The following CEP170B variants were observed in gnomAD, a reference collection of about 807,000 sequenced individuals.
CEP170B encodes the protein centrosomal protein of 170 kDa protein B.
A neutral mutation model predicts 120.6 loss-of-function variants in CEP170B; 55 were observed. That is an observed-to-expected ratio of 0.46 (90% CI 0.37 to 0.57). The LOEUF is 0.57. Among genes scored for constraint, CEP170B ranks in the 20% least tolerant of loss-of-function variants. CEP170B has a pLI of 0.00. For synonymous variants in CEP170B, 1,033 were observed against 954.5 expected, an observed-to-expected ratio of 1.08 and a Z score of -1.52; for missense variants, 2,212 against 2,253.3, an observed-to-expected ratio of 0.98 and a Z score of 0.37.
At chr14:104,885,038 C>T (rs558812688) in intron 9 of CEP170B, among the ~76,000 whole-genome samples, 242 of 92,928 alleles carry the variant, frequency 2.6e-3, no homozygotes, top group Non-Finnish European at 3.7e-3. Flanking sequence ...AGTGAGAGTA[C>T]TCGTGGGGAA....
chr14:104,879,514 C>A (rs368633689), intron 5 of CEP170B, among the ~76,000 whole-genome samples: 2 of 152,254 alleles, frequency 1.3e-5, no homozygotes, highest in African/African-American at 4.8e-5. Flanking sequence ...TTACGCTGCA[C>A]GACCAAGGCC....
chr14:104,889,385 G>A (rs975663066), intron 12 of CEP170B: 1 of 996,120 alleles, frequency 1.0e-6, no homozygotes, highest in Non-Finnish European at 1.4e-6. Context: ...CTACTGGGTG[G>A]GGGCACCAGC....
intron 6 of CEP170B, among the ~76,000 whole-genome samples, chr14:104,882,069 G>A (rs1595336302): frequency 1.3e-5 from 2 of 152,180 alleles, no homozygotes; most frequent in African/African-American, 4.8e-5. Flanking sequence ...CCAGCGCCCT[G>A]ACCTGAGGGC....
chr14:104,892,882 T>C, intron 13 of CEP170B, 94 bp from the exon 14 acceptor site: 1 of 1,390,670 alleles, frequency 7.2e-7, no homozygotes, highest in Non-Finnish European at 9.9e-7. Context: ...GGCCAGCAGC[T>C]GCCTGGGAGC....
chr14:104,886,131 G>T lies in CEP170B; in HGVS notation c.2035+1G>T. 1 of 1,535,310 alleles carries T rather than the reference G, an allele frequency of 6.5e-7. No homozygotes were observed. The highest frequency in any genetic ancestry group is 8.8e-7 in the Non-Finnish European group (1 of 1,141,908). The stretch of plus-strand genomic sequence containing the variant: ...AGCTACTCAGACCCGGGCCTCACAG[G>T]TAAGTGGCTCCAGTGCTGCGGGGGA... On this transcript the variant is annotated splice_donor_variant, in intron 11 of 18. Coordinates refer to ENST00000414716, the MANE Select transcript of CEP170B (RefSeq NM_001112726.3). LOFTEE classifies it high-confidence loss of function.
chr14:104,884,544 G>C lies in CEP170B; in HGVS notation c.1765G>C (p.Asp589His). The C allele has an allele frequency of 6.4e-7, 1 of 1,557,782 alleles. No homozygotes were observed. ...TEVEEARKMI[D>H]QVFGVLESPE... Reference sequence around the variant, plus strand: ...GGTGGAGGAGGCCCGGAAGATGATCGACCAGGTGCAGCCCAGCGGCGAGTG... The same window carrying C: ...GGTGGAGGAGGCCCGGAAGATGATCCACCAGGTGCAGCCCAGCGGCGAGTG... Residue 589 changes from aspartate (D) to histidine (H), a missense_variant, in exon 9 of 19, where the codon GAC becomes CAC. Asp to His is a moderately conservative substitution (Grantham distance 81). Transcript: ENST00000414716.
chr14:104,893,089 G>A lies in CEP170B; in HGVS notation c.3992G>A (p.Ser1331Asn), dbSNP rs948583463. Residue 1331 changes from serine to asparagine, a missense_variant, in exon 14 of 19, where the codon AGC becomes AAC. By Grantham distance (46) the Ser-to-Asn change is conservative. Transcript: ENST00000414716. Reference protein sequence around the residue: ...SSEPAHSASLSNMPSTPASTI... With the variant: ...SSEPAHSASLNNMPSTPASTI... ...GAGCCTGCCCACAGCGCCTCCCTCA[G>A]CAACATGCCCAGCACCCCCGCCTCG... 6.2e-7 allele frequency: 1 copy of A among 1,608,176 alleles called. No homozygotes were observed. The highest frequency in any genetic ancestry group is 8.5e-7 in the Non-Finnish European group (1 of 1,178,592).
chr14:104,880,431 C>T lies in CEP170B; in HGVS notation c.472+6C>T. On this transcript the variant is annotated splice_donor_region_variant and intron_variant, in intron 6 of 18. Transcript: ENST00000414716. ...GGACCGGAGACCAGGAACAGGTAGG[C>T]CCAGGCAGTGCGGATGGGGTGAGCA... 6.2e-7 allele frequency: 1 copy of T among 1,611,156 alleles called. No individual in the cohort carries two copies.
rs1313298820 is a variant in CEP170B at position 104,893,751 on chromosome 14, G to A, written c.4183-10G>A. 2 of 1,603,986 alleles carry A rather than the reference G, an allele frequency of 1.2e-6. No homozygotes were observed. The highest frequency in any genetic ancestry group is 2.2e-5 in the South Asian group (2 of 89,346). On this transcript the variant is annotated splice_polypyrimidine_tract_variant and intron_variant, in intron 15 of 18. Transcript: ENST00000414716. ...GAGGGCGGGGCCATGCTGAGGCCGG[G>A]CTCTTGCAGGTGATCTTCGATAACC...
At chr14:104,875,467 C>T (rs1895789097) in intron 2 of CEP170B, among the ~76,000 whole-genome samples, 1 of 152,092 alleles carries the variant, frequency 6.6e-6, no homozygotes, top group Non-Finnish European at 1.5e-5. Flanking sequence ...GATGGAGCCA[C>T]CACCCAGAGC....
chr14:104,881,052 G>T (rs1196393868), intron 6 of CEP170B, among the ~76,000 whole-genome samples: 1 of 152,178 alleles, frequency 6.6e-6, no homozygotes, highest in Non-Finnish European at 1.5e-5. Flanking sequence ...GTGATGGGGG[G>T]GTGAGGCTAT....
In CEP170B at chr14:104,877,924, G is replaced by T; in HGVS notation, c.235G>T (p.Val79Phe). 1.3e-6 allele frequency: 2 copies of T among 1,569,164 alleles called. No individual in the cohort carries two copies. ...NDMRIPDQKY[V>F]TLKLNDVIRF... The stretch of plus-strand genomic sequence containing the variant: ...CATGCGCATCCCGGACCAGAAGTAC[G>T]TCACGCTGAAGCTCAACGATGTCAT... The change falls in exon 4 of 19, where the codon GTC (valine) becomes TTC (phenylalanine). Residue 79 changes from valine to phenylalanine, a missense_variant. Val to Phe is a conservative substitution (Grantham distance 50). Transcript: ENST00000414716.
chr14:104,896,444 G>A lies in CEP170B; in HGVS notation c.*1486G>A, dbSNP rs1474989250. On this transcript the variant is annotated 3_prime_UTR_variant, in exon 19 of 19. Transcript: ENST00000414716. ...CTGCTGCCCACCCCTGCATGCCCCA[G>A]TTGCCCACCCCGCCTGCCCCTGGAC... is the stretch of plus-strand genomic sequence containing the variant. The A allele has an allele frequency of 1.0e-5, 4 of 393,694 alleles. No homozygotes were observed. Among genetic ancestry groups the A allele is most frequent in the African/African-American group, 4.2e-5 (2 of 47,622 alleles). The allele number at this position is 393,694 out of a possible 1,614,324, so 24.4% of individuals were successfully genotyped here.
rs77372704 is a variant in CEP170B, at chr14:104,885,783, C to T, written c.1944+241C>T. 3.6e-3 allele frequency among the ~76,000 whole-genome samples: 550 copies of T among 152,342 alleles called. 2 individuals are homozygous for T. The highest frequency in any genetic ancestry group is 6.8e-3 in the Non-Finnish European group (464 of 68,026). Reference sequence around the variant, plus strand: ...AGGTCAGGACAGGGCCACGGCTGCTCTGCCAACCTGGAACTGAGTTCTGTG... The same window carrying T: ...AGGTCAGGACAGGGCCACGGCTGCTTTGCCAACCTGGAACTGAGTTCTGTG... On this transcript the variant is annotated intron_variant, in intron 10 of 18. Transcript: ENST00000414716.
chr14:104,886,642 C>T lies in CEP170B; in HGVS notation c.2403C>T (p.Asp801=), dbSNP rs1424055608. The change falls in exon 12 of 19, where the codon GAC becomes GAT. Residue 801 remains aspartate (D), a synonymous_variant. Coordinates refer to ENST00000414716, the MANE Select transcript of CEP170B (RefSeq NM_001112726.3). The part of the protein sequence containing the change: ...EPTPASFFIG[D]QNGDAVLSRK... ...CTCCCGCCTCTTTCTTCATTGGGGA[C>T]CAGAATGGGGACGCTGTGTTATCTA... is the stretch of plus-strand genomic sequence containing the variant. 1 of 1,525,754 alleles carries T rather than the reference C, an allele frequency of 6.6e-7. No individual in the cohort carries two copies. Among genetic ancestry groups the T allele is most frequent in the African/African-American group, 1.4e-5 (1 of 72,092 alleles). The allele number at this position is 1,525,754 out of a possible 1,614,324, so 94.5% of individuals were successfully genotyped here. A position where few individuals can be genotyped will look rare whatever the true frequency, so the allele number is the denominator to read the frequency against.
chr14:104,871,504 C>G (rs1436703689), intron 2 of CEP170B, among the ~76,000 whole-genome samples: 3 of 152,088 alleles, frequency 2.0e-5, no homozygotes, highest in Admixed American at 1.3e-4. Flanking sequence ...ACCTCCACAC[C>G]CTGTCCCAGC....
At chr14:104,871,819 C>T (rs144558347) in intron 2 of CEP170B, among the ~76,000 whole-genome samples, 5 of 152,266 alleles carry the variant, frequency 3.3e-5, no homozygotes, top group Non-Finnish European at 7.4e-5. Flanking sequence ...GCAGAGTGGG[C>T]GGCCCGAGGC....
chr14:104,880,176 C>A (rs1218036817), intron 5 of CEP170B, 111 bp from the exon 6 acceptor site: 2 of 1,410,862 alleles, frequency 1.4e-6, no homozygotes, highest in African/African-American at 1.4e-5. Context: ...GAGCTTGTGA[C>A]ATGCAAAGTC....
At position 104,883,270 on chromosome 14, in the gene CEP170B, C is replaced by T. The variant is rs7147858; in HGVS notation, c.813C>T (p.Ile271=). The T allele has an allele frequency of 1.3e-3, 2,105 of 1,611,730 alleles. 34 individuals are homozygous for T. In the African/African-American group the frequency reaches 0.023, roughly 18 times the overall value. The change falls in exon 8 of 19, where the codon ATC becomes ATT. Residue 271 remains isoleucine (I), a synonymous_variant. Transcript: ENST00000414716. ...TGCAGAGCCACGCCTCCTTCACCAT[C>T]GAGTTTGATGACTGCAGCCCTGGCA... ...PVVQSHASFT[I]EFDDCSPGKM... is the part of the protein sequence containing the mutation.
Sources: gnomAD v4.1 joint callset for allele counts (sites outside exome capture counted in the v4.1 genomes callset) on GRCh38, gnomAD v4.1.1 for gene constraint, MANE v1.5 for transcripts, NCBI Gene and HGNC (gene_info 2026-07-23, HGNC 2026-07-21) for gene names.